Variants in COL6A6 observed in about 807,000 individuals in gnomAD.
COL6A6 encodes collagen type VI alpha 6 chain, also known as collagen alpha-6(VI) chain.
COL6A6 carries 183 observed loss-of-function variants against 208.6 expected under a neutral mutation model. That is an observed-to-expected ratio of 0.88 (90% CI 0.78 to 0.99). The LOEUF is 0.99. COL6A6 is among the 50% of genes least tolerant of loss of function. The pLI, the probability that COL6A6 is intolerant of heterozygous loss-of-function variation, is 0.00. For synonymous variants in COL6A6, 973 were observed against 1,011.8 expected, an observed-to-expected ratio of 0.96 and a Z score of 0.73; for missense variants, 2,816 against 2,815.2, an observed-to-expected ratio of 1.00 and a Z score of -0.01.
chr3:130,622,819 C>T (rs757546458), intron 24 of COL6A6, among the ~76,000 whole-genome samples: 12 of 151,784 alleles, frequency 7.9e-5, no homozygotes, highest in East Asian at 3.9e-4. Flanking sequence ...ATCGCACCAC[C>T]GCACTCCAGC....
rs1305087689 is a variant in COL6A6 at position 130,566,858 on chromosome 3, A to G, written c.1439A>G (p.Tyr480Cys). The stretch of plus-strand genomic sequence containing the variant: ...AAGGTGCGGGTTGGGGCCGTTCAGT[A>G]TGCTGACAGCTGGGACTTGGAATTT... ...PHKVRVGAVQ[Y>C]ADSWDLEFEI... Residue 480 changes from tyrosine to cysteine, a missense_variant, in exon 5 of 37, where the codon TAT becomes TGT. By Grantham distance (194) the Tyr-to-Cys change is radical. Transcript: ENST00000358511. 2 of 1,613,896 alleles carry G rather than the reference A, an allele frequency of 1.2e-6. No homozygotes were observed. Among genetic ancestry groups the G allele is most frequent in the African/African-American group, 2.7e-5 (2 of 74,918 alleles).
intron 1 of COL6A6, among the ~76,000 whole-genome samples, chr3:130,536,640 G>T (rs912718062): frequency 6.6e-6 from 1 of 152,142 alleles, no homozygotes; most frequent in Non-Finnish European, 1.5e-5. Flanking sequence ...CAGAAACTGT[G>T]AAGGCCCTCA....
intron 24 of COL6A6, among the ~76,000 whole-genome samples, chr3:130,624,354 G>C (rs1444838946): frequency 6.6e-6 from 1 of 152,194 alleles, no homozygotes; most frequent in Admixed American, 6.5e-5. Flanking sequence ...GGTTAACTTT[G>C]TACTGAAGAA....
intron 8 of COL6A6, among the ~76,000 whole-genome samples, chr3:130,576,812 A>G (rs572661240): frequency 1.2e-4 from 18 of 152,340 alleles, no homozygotes; most frequent in African/African-American, 4.3e-4. Context: ...CAAATATATT[A>G]GGGGATGCCA....
chr3:130,650,265 T>A (rs769128527), intron 33 of COL6A6, among the ~76,000 whole-genome samples: 1 of 152,030 alleles, frequency 6.6e-6, no homozygotes, highest in Non-Finnish European at 1.5e-5. Context: ...GGTGTTCTGT[T>A]CTCCATGTGG....
chr3:130,569,309 C>T (rs1043817515), intron 6 of COL6A6, among the ~76,000 whole-genome samples: 12 of 152,162 alleles, frequency 7.9e-5, no homozygotes, highest in Admixed American at 2.0e-4. Context: ...ACTTGAGCAA[C>T]GGTTGCTTCA....
intron 1 of COL6A6, among the ~76,000 whole-genome samples, chr3:130,534,114 G>A (rs1190304059): frequency 6.6e-6 from 1 of 152,122 alleles, no homozygotes; most frequent in Non-Finnish European, 1.5e-5. Flanking sequence ...TCCAAAGTGA[G>A]TGCATCAAAT....
intron 36 of COL6A6, among the ~76,000 whole-genome samples, chr3:130,670,320 C>T (rs556962573): frequency 9.2e-5 from 14 of 152,192 alleles, no homozygotes; most frequent in Non-Finnish European, 2.1e-4. Flanking sequence ...AGTGTTTTCA[C>T]CAAGTCAGGC....
Position 130,665,112 on chromosome 3 carries a change from T to C in COL6A6, c.6596+16T>C, listed in dbSNP as rs760047155. ...CATTCCGAAGGTACTGTCTGTTTGG[T>C]GTTACTTGATAAATGAGAATGCCCC... is the stretch of plus-strand genomic sequence containing the variant. On this transcript the variant is annotated intron_variant, in intron 36 of 36. Transcript: ENST00000358511. 1.3e-6 allele frequency: 2 copies of C among 1,561,950 alleles called. No individual in the cohort carries two copies. Among genetic ancestry groups the C allele is most frequent in the African/African-American group, 2.7e-5 (2 of 73,302 alleles).
chr3:130,610,661 G>A lies in COL6A6; in HGVS notation c.4765G>A (p.Glu1589Lys). The change falls in exon 23 of 37, where the codon GAG becomes AAG. Residue 1589 changes from glutamate to lysine, a missense_variant. Glu to Lys is a moderately conservative substitution (Grantham distance 56). Coordinates refer to ENST00000358511, the MANE Select transcript of COL6A6 (RefSeq NM_001102608.3). The stretch of plus-strand genomic sequence containing the variant: ...TCTATGTACTTAGGGCCCAAGAGGA[G>A]AGGCTGGTGTGAAAGGAGAAAAAGG... ...GLKGPQGPRG[E>K]AGVKGEKGGV... 1 of 1,590,790 alleles carries A rather than the reference G, an allele frequency of 6.3e-7. No individual in the cohort carries two copies. Among genetic ancestry groups the A allele is most frequent in the South Asian group, 1.2e-5 (1 of 86,722 alleles).
At chr3:130,613,577 G>A (rs1215237306) in intron 23 of COL6A6, among the ~76,000 whole-genome samples, 5 of 152,144 alleles carry the variant, frequency 3.3e-5, no homozygotes, top group African/African-American at 1.2e-4. Context: ...GATGGAAATA[G>A]CATTCAATCT....
In COL6A6 at chr3:130,574,060, C is replaced by T; in HGVS notation, c.3082C>T (p.Gln1028Ter). 1 of 1,613,868 alleles carries T rather than the reference C, an allele frequency of 6.2e-7. No homozygotes were observed. Among genetic ancestry groups the T allele is most frequent in the Non-Finnish European group, 8.5e-7 (1 of 1,179,790 alleles). Residue 1028 changes from glutamine to a stop codon, truncating the protein, a stop_gained, in exon 8 of 37, where the codon CAA (glutamine) becomes TAA (stop). Coordinates refer to ENST00000358511, the MANE Select transcript of COL6A6 (RefSeq NM_001102608.3). LOFTEE classifies it high-confidence loss of function. ...GAAGGAATTTCTGGCATCTGTTGTT[C>T]AAGACTTTGATGTCAGCCTCAACAG... ...KMKEFLASVVQDFDVSLNRVR... is the reference protein window; with the variant it reads ...KMKEFLASVV
chr3:130,591,016 G>A (rs2063700609), intron 12 of COL6A6, 25 bp from the exon 13 acceptor site: 1 of 1,552,512 alleles, frequency 6.4e-7, no homozygotes, highest in Non-Finnish European at 8.7e-7. Context: ...AGATGCAAAT[G>A]TTTTCTTCCT....
chr3:130,578,092 C>A (rs1046153589), intron 8 of COL6A6, among the ~76,000 whole-genome samples: 1 of 152,112 alleles, frequency 6.6e-6, no homozygotes, highest in Non-Finnish European at 1.5e-5. Flanking sequence ...AGACTTTGAG[C>A]AATTTTTAGG....
chr3:130,566,761 C>G lies in COL6A6; in HGVS notation c.1342C>G (p.Gln448Glu). 1 of 1,613,934 alleles carries G rather than the reference C, an allele frequency of 6.2e-7. No individual in the cohort carries two copies. Among genetic ancestry groups the G allele is most frequent in the Non-Finnish European group, 8.5e-7 (1 of 1,179,862 alleles). The change falls in exon 5 of 37, where the codon CAG (glutamine) becomes GAG (glutamate). Residue 448 changes from glutamine (Q) to glutamate (E), a missense_variant. Gln to Glu is a conservative substitution (Grantham distance 29, BLOSUM62 2). Transcript: ENST00000358511. ...YLLIDGSGST[Q>E]ATDFHEMKTF... ...GCTTATCGATGGCTCAGGGAGCACCCAGGCCACAGATTTCCATGAAATGAA... is the reference window on the plus strand; with the variant it reads ...GCTTATCGATGGCTCAGGGAGCACCGAGGCCACAGATTTCCATGAAATGAA...
intron 1 of COL6A6, among the ~76,000 whole-genome samples, chr3:130,552,606 T>G (rs1411558494): frequency 6.6e-6 from 1 of 152,202 alleles, no homozygotes; most frequent in African/African-American, 2.4e-5. Flanking sequence ...AACTTGCCAC[T>G]CTCTGCCTTT....
rs115788709 is a variant in COL6A6 at position 130,594,380 on chromosome 3, A to G, written c.4533+37A>G. 2,765 of 1,543,972 alleles carry G rather than the reference A, an allele frequency of 1.8e-3. 54 individuals are homozygous for G. The African/African-American group carries it at 0.032, about 18-fold the overall frequency. Reference sequence around the variant, plus strand: ...GGCTGCAAACTGGAGTTAGGGCTTGATTCCCATCCGTACTTCTGATAGGGA... The same window carrying G: ...GGCTGCAAACTGGAGTTAGGGCTTGGTTCCCATCCGTACTTCTGATAGGGA... On this transcript the variant is annotated intron_variant, in intron 18 of 36. Transcript: ENST00000358511.
At chr3:130,667,174 G>A (rs1211520769) in intron 36 of COL6A6, among the ~76,000 whole-genome samples, 1 of 152,130 alleles carries the variant, frequency 6.6e-6, no homozygotes, top group East Asian at 1.9e-4. Flanking sequence ...ACAGAAGAAG[G>A]GAATGAGATG....
chr3:130,516,812 T>G (rs1296399638), upstream of COL6A6, among the ~76,000 whole-genome samples: 1 of 152,102 alleles, frequency 6.6e-6, no homozygotes, highest in Non-Finnish European at 1.5e-5. Context: ...GACCCCAGAA[T>G]ACAGGCAAAG....
Sources: gnomAD v4.1 joint callset for allele counts (sites outside exome capture counted in the v4.1 genomes callset) on GRCh38, gnomAD v4.1.1 for gene constraint, MANE v1.5 for transcripts, NCBI Gene and HGNC (gene_info 2026-07-23, HGNC 2026-07-21) for gene names.